The following CC2D2A variants were observed in gnomAD, a reference collection of about 807,000 sequenced individuals.
CC2D2A encodes coiled-coil and C2 domain containing 2A, also known as coiled-coil and C2 domain-containing protein 2A.
A neutral mutation model predicts 212.9 loss-of-function variants in CC2D2A; 155 were observed. The observed-to-expected ratio is 0.73, with a 90% CI of 0.64 to 0.83. The LOEUF is 0.83. Among genes scored for constraint, CC2D2A ranks in the 40% least tolerant of loss-of-function variants. CC2D2A has a pLI of 0.00. For synonymous variants in CC2D2A, 667 were observed against 686.5 expected (o/e 0.97, Z 0.44); for missense variants, 1,856 against 1,956.2 (o/e 0.95, Z 0.97).
rs79847417 is a variant in CC2D2A, at chr4:15,589,288, T to C, written c.4180-257T>C. ...TAGTTCTTCAGCCAATCTTAAGATA[T>C]ACTGGTTGAGTAAGATGATGACTGT... On this transcript the variant is annotated intron_variant, in intron 32 of 36. Transcript: ENST00000424120. Among the ~76,000 whole-genome samples the C allele has an allele frequency of 5.0e-3, 763 of 152,320 alleles. 5 individuals are homozygous for C. The highest frequency in any genetic ancestry group is 0.017 in the African/African-American group (723 of 41,576).
rs778478305 is a variant in CC2D2A at position 15,587,809 on chromosome 4, T to C, written c.4066-7T>C. 2.6e-6 allele frequency: 4 copies of C among 1,555,674 alleles called. No individual in the cohort carries two copies. Among genetic ancestry groups the C allele is most frequent in the Admixed American group, 3.3e-5 (2 of 59,778 alleles). The stretch of plus-strand genomic sequence containing the variant: ...CATACAACATAATTTTTTTTTCTTT[T>C]TGTCAGCAATTTCTTGATCTCCTGG... On this transcript the variant is annotated splice_polypyrimidine_tract_variant and splice_region_variant and intron_variant, in intron 31 of 36. Transcript: ENST00000424120.
chr4:15,523,521 C>G (rs1717330063), intron 11 of CC2D2A, among the ~76,000 whole-genome samples: 1 of 152,212 alleles, frequency 6.6e-6, no homozygotes, highest in Admixed American at 6.5e-5. Context: ...TGTTAATCTG[C>G]TGCGTTCTAA....
At chr4:15,554,511 A>T (rs1365189208) in intron 19 of CC2D2A, among the ~76,000 whole-genome samples, 2 of 151,954 alleles carry the variant, frequency 1.3e-5, no homozygotes, top group Admixed American at 6.6e-5. Context: ...CATCTCTACT[A>T]AAAAAAATAA....
intron 17 of CC2D2A, among the ~76,000 whole-genome samples, chr4:15,544,917 C>T (rs1244571135): frequency 6.6e-6 from 1 of 152,190 alleles, no homozygotes; most frequent in Admixed American, 6.5e-5. Context: ...TATTCATAGG[C>T]AATAAGCTTG....
intron 31 of CC2D2A, among the ~76,000 whole-genome samples, chr4:15,586,578 T>C (rs1044210750): frequency 6.6e-6 from 1 of 152,228 alleles, no homozygotes; most frequent in Non-Finnish European, 1.5e-5. Flanking sequence ...TTAGAAATGA[T>C]ATATTCCTTA....
intron 4 of CC2D2A, among the ~76,000 whole-genome samples, chr4:15,498,701 AT>A (rs1715753943): frequency 6.6e-6 from 1 of 152,244 alleles, no homozygotes; most frequent in Admixed American, 6.5e-5. Flanking sequence ...ACTTAACCCC[AT>A]TAGCTATGAT....
chr4:15,561,150 T>C (rs908601536), intron 23 of CC2D2A, among the ~76,000 whole-genome samples: 12 of 152,138 alleles, frequency 7.9e-5, no homozygotes, highest in African/African-American at 2.7e-4. Flanking sequence ...CACACAGATA[T>C]TGGGAATTGA....
chr4:15,470,715 A>C (rs1303820392), intron 1 of CC2D2A, among the ~76,000 whole-genome samples: 245 of 79,902 alleles, frequency 3.1e-3, no homozygotes, highest in African/African-American at 4.9e-3. Context: ...ATATATATAT[A>C]TATATATATA....
At chr4:15,475,457 G>T (rs934265430) in intron 1 of CC2D2A, among the ~76,000 whole-genome samples, 3 of 152,138 alleles carry the variant, frequency 2.0e-5, no homozygotes, top group Admixed American at 2.0e-4. Context: ...TCAAGGAGGG[G>T]CCCCATGGGA....
At chr4:15,572,178 T>C (rs891370748) in intron 28 of CC2D2A, among the ~76,000 whole-genome samples, 1 of 152,206 alleles carries the variant, frequency 6.6e-6, no homozygotes, top group Non-Finnish European at 1.5e-5. Flanking sequence ...GGGTAGTTTA[T>C]ACATCACCTC....
chr4:15,601,239 C>A lies in CC2D2A; in HGVS notation c.4677C>A (p.Phe1559Leu). The A allele has an allele frequency of 1.2e-6, 2 of 1,611,362 alleles. No individual in the cohort carries two copies. Among genetic ancestry groups the A allele is most frequent in the South Asian group, 2.2e-5 (2 of 90,816 alleles). ...CTACAAATGTTTTTTCCCTTCAGTT[C>A]TCTGGATTTCCTCTTCACATGCCTT... ...ELLKQLGDYR[F>L]SGFPLHMPYS... The change falls in exon 37 of 37, where the codon TTC (phenylalanine) becomes TTA (leucine). Residue 1559 changes from phenylalanine (F) to leucine (L), a missense_variant and splice_region_variant. Phe to Leu is a conservative substitution (Grantham distance 22, BLOSUM62 0). Coordinates refer to ENST00000424120, the MANE Select transcript of CC2D2A (RefSeq NM_001378615.1).
At chr4:15,496,791 C>T (rs754695654) in intron 4 of CC2D2A, among the ~76,000 whole-genome samples, 1 of 152,108 alleles carries the variant, frequency 6.6e-6, no homozygotes, top group Non-Finnish European at 1.5e-5. Context: ...ACAGCCACAT[C>T]AAGAATGCAA....
At chr4:15,480,009 G>A (rs916989831) in intron 3 of CC2D2A, among the ~76,000 whole-genome samples, 2 of 152,172 alleles carry the variant, frequency 1.3e-5, no homozygotes, top group Non-Finnish European at 2.9e-5. Flanking sequence ...ATCACATGGG[G>A]ACTTTTTGTT....
chr4:15,583,732 G>A (rs961326742), intron 30 of CC2D2A, among the ~76,000 whole-genome samples: 7 of 152,018 alleles, frequency 4.6e-5, no homozygotes, highest in South Asian at 4.1e-4. Flanking sequence ...GGCGGATCAC[G>A]AGGTCAGGAG....
rs569393737 is a variant in CC2D2A at position 15,587,656 on chromosome 4, T to A, written c.4066-160T>A. ...ACCATGCCCACTAAAAGTGGTTTTT[T>A]AAAAAAATGAATTATCAACATAGTA... On this transcript the variant is annotated intron_variant, in intron 31 of 36. Transcript: ENST00000424120. 1.8e-4 allele frequency among the ~76,000 whole-genome samples: 28 copies of A among 152,242 alleles called. No homozygotes were observed. In the East Asian group the frequency reaches 4.4e-3, roughly 24 times the overall value.
intron 23 of CC2D2A, among the ~76,000 whole-genome samples, chr4:15,562,960 G>A (rs1416470941): frequency 6.6e-6 from 1 of 152,206 alleles, no homozygotes; most frequent in African/African-American, 2.4e-5. Context: ...CTGGCCCCAA[G>A]GGATGGGTAA....
chr4:15,492,565 G>A (rs1255995478), intron 4 of CC2D2A, among the ~76,000 whole-genome samples: 1 of 151,862 alleles, frequency 6.6e-6, no homozygotes. Context: ...ACAAAGTGGG[G>A]CTCCCTAGGC....
chr4:15,586,970 TC>T (rs1283208242), intron 31 of CC2D2A, among the ~76,000 whole-genome samples: 2 of 152,230 alleles, frequency 1.3e-5, no homozygotes, highest in African/African-American at 4.8e-5. Flanking sequence ...AGATAAAATT[TC>T]TACAACTTTG....
rs377420786 is a variant in CC2D2A, at chr4:15,520,484, T to G, written c.1149+3728T>G. 3.9e-5 allele frequency among the ~76,000 whole-genome samples: 6 copies of G among 152,350 alleles called. No homozygotes were observed. In the East Asian group the frequency reaches 9.6e-4, roughly 24 times the overall value. On this transcript the variant is annotated intron_variant, in intron 11 of 36. Coordinates refer to ENST00000424120, the MANE Select transcript of CC2D2A (RefSeq NM_001378615.1). ...TCCATTCCATTAAACACAGATATGA[T>G]GAACACTGAATTGTGGGTTAAAGTT...
Sources: allele counts gnomAD v4.1 joint callset (sites outside exome capture counted in the v4.1 genomes callset), GRCh38; gene constraint gnomAD v4.1.1; transcripts MANE v1.5; gene names NCBI Gene and HGNC (gene_info 2026-07-23, HGNC 2026-07-21).